ACAP2: variants seen among roughly 807,000 people sequenced by gnomAD.
ACAP2 encodes arf-GAP with coiled-coil, ANK repeat and PH domain-containing protein 2.
In ACAP2, 39 loss-of-function variants were observed where a neutral mutation model predicts 115.8. That is an observed-to-expected ratio of 0.34 (90% confidence interval 0.26 to 0.44). The LOEUF is 0.44. Ranked by LOEUF, ACAP2 falls within the 20% of genes least tolerant of loss-of-function variation. The pLI, the probability that ACAP2 is intolerant of heterozygous loss-of-function variation, is 1.00. For synonymous variants in ACAP2, 289 were observed against 315.8 expected (o/e 0.92, Z 0.90); for missense variants, 662 against 927.6 (o/e 0.71, Z 3.72).
intron 6 of ACAP2, among the ~76,000 whole-genome samples, chr3:195,342,176 A>G (rs1327221145): frequency 6.6e-6 from 1 of 152,222 alleles, no homozygotes; most frequent in Non-Finnish European, 1.5e-5. Flanking sequence ...AGATAGTTAA[A>G]TTGACATAAC....
chr3:195,353,392 T>C lies in ACAP2; in HGVS notation c.286-8075A>G, dbSNP rs535255419. On this transcript the variant is annotated intron_variant, in intron 4 of 22. Coordinates refer to ENST00000326793, the MANE Select transcript of ACAP2 (RefSeq NM_012287.6). ...GCTAATATAACCATCCACAGGTAGA[T>C]GGATTTTAAAACTTGTGATAAATCC... Among the ~76,000 whole-genome samples, 60 of 152,348 alleles carry C rather than the reference T, an allele frequency of 3.9e-4. No homozygotes were observed. The Middle Eastern group carries it at 0.017, about 43-fold the overall frequency.
Position 195,401,660 on chromosome 3 carries a change from T to C in ACAP2, c.54-9513A>G, listed in dbSNP as rs112145223. On this transcript the variant is annotated intron_variant, in intron 1 of 22. Transcript: ENST00000326793. ...CCAGCTTGGGAGACAGTGAACTCTG[T>C]ATCCAAAACAAAGAGAGAAGACTAC... Among the ~76,000 whole-genome samples, 33 of 152,188 alleles carry C rather than the reference T, an allele frequency of 2.2e-4. 1 individual carries two copies. The highest frequency in any genetic ancestry group is 7.9e-4 in the African/African-American group (33 of 41,532).
chr3:195,379,241 T>C (rs1733786862), intron 4 of ACAP2, among the ~76,000 whole-genome samples: 1 of 152,090 alleles, frequency 6.6e-6, no homozygotes, highest in African/African-American at 2.4e-5. Flanking sequence ...AACCTTGAAT[T>C]TGGCAATGGA....
chr3:195,318,907 A>T (rs2109023096), intron 10 of ACAP2, among the ~76,000 whole-genome samples: 1 of 152,336 alleles, frequency 6.6e-6, no homozygotes, highest in Admixed American at 6.5e-5. Flanking sequence ...GGCATGTAAG[A>T]AATCTTTGAG....
chr3:195,410,162 G>A (rs994117216), intron 1 of ACAP2, among the ~76,000 whole-genome samples: 1 of 152,078 alleles, frequency 6.6e-6, no homozygotes, highest in Admixed American at 6.6e-5. Context: ...TCACTACAAT[G>A]CAATGGGGAA....
intron 10 of ACAP2, among the ~76,000 whole-genome samples, chr3:195,320,355 T>C (rs1729369422): frequency 6.6e-6 from 1 of 152,226 alleles, no homozygotes; most frequent in African/African-American, 2.4e-5. Flanking sequence ...TCATAATTTG[T>C]ACTCAAATCT....
At chr3:195,390,088 T>C (rs1734563574) in intron 2 of ACAP2, among the ~76,000 whole-genome samples, 1 of 152,136 alleles carries the variant, frequency 6.6e-6, no homozygotes, top group African/African-American at 2.4e-5. Context: ...CCCAGCTACT[T>C]AGGAGGCTGA....
intron 21 of ACAP2, among the ~76,000 whole-genome samples, chr3:195,286,870 C>A (rs1261576326): frequency 6.6e-6 from 1 of 152,234 alleles, no homozygotes; most frequent in Non-Finnish European, 1.5e-5. Flanking sequence ...AAGCTGCCTG[C>A]AGAGCTTGTC....
At chr3:195,366,398 G>T (rs1732725445) in intron 4 of ACAP2, among the ~76,000 whole-genome samples, 2 of 152,140 alleles carry the variant, frequency 1.3e-5, no homozygotes, top group African/African-American at 4.8e-5. Context: ...AATAACTTGG[G>T]CAACTTTTAA....
At position 195,276,415 on chromosome 3, in the gene ACAP2, T is replaced by C. The variant is rs928501887; in HGVS notation, c.*2913A>G. The stretch of plus-strand genomic sequence containing the variant: ...AGAAATCTTAAGCACATAAATGTTA[T>C]AATGAAGCATTTGCAAATGACTGCT... On this transcript the variant is annotated 3_prime_UTR_variant, in exon 23 of 23. Coordinates refer to ENST00000326793, the MANE Select transcript of ACAP2 (RefSeq NM_012287.6). 3.9e-5 allele frequency: 6 copies of C among 152,240 alleles called. No individual in the cohort carries two copies. Among genetic ancestry groups the C allele is most frequent in the African/African-American group, 1.4e-4 (6 of 41,478 alleles). 9.4% of individuals were successfully genotyped at this position (152,240 alleles called of 1,614,324 possible).
intron 1 of ACAP2, among the ~76,000 whole-genome samples, chr3:195,409,902 A>C (rs932441729): frequency 3.3e-5 from 5 of 150,938 alleles, no homozygotes; most frequent in Non-Finnish European, 5.9e-5. Flanking sequence ...AAAAAAAAAA[A>C]AAAACAGAAA....
At position 195,320,756 on chromosome 3, in the gene ACAP2, C is replaced by T. The variant is rs777687187; in HGVS notation, c.802G>A (p.Val268Ile). Residue 268 changes from valine to isoleucine, a missense_variant, in exon 10 of 23, where the codon GTT becomes ATT. This residue lies in a region of ACAP2 where 401 missense variants were observed against 604.4 expected (regional missense o/e 0.66). Coordinates refer to ENST00000326793, the MANE Select transcript of ACAP2 (RefSeq NM_012287.6). ...CGTTTGAACAGATATCCTTCCATAA[C>T]TATGCCATTTGCAGCATCTACGTTA... is the stretch of plus-strand genomic sequence containing the variant. Reference protein sequence around the residue: ...EYNVDAANGIVMEGYLFKRAS... With the variant: ...EYNVDAANGIIMEGYLFKRAS... 2.5e-6 allele frequency: 4 copies of T among 1,613,668 alleles called. No individual in the cohort carries two copies. The highest frequency in any genetic ancestry group is 1.1e-5 in the South Asian group (1 of 91,066).
In ACAP2 at chr3:195,359,570, C is replaced by T. The variant is rs540026130; in HGVS notation, c.286-14253G>A. ...GCAAGCTCTGCCTCCGGGGTTCACG[C>T]CATTCTCCTGCCTCAGCCTCCCAAG... On this transcript the variant is annotated intron_variant, in intron 4 of 22. Transcript: ENST00000326793. Among the ~76,000 whole-genome samples the T allele has an allele frequency of 2.6e-4, 39 of 152,292 alleles. No homozygotes were observed. In the South Asian group the frequency reaches 6.2e-3, roughly 24 times the overall value.
intron 2 of ACAP2, among the ~76,000 whole-genome samples, chr3:195,383,714 T>A (rs997059528): frequency 6.6e-6 from 1 of 151,370 alleles, no homozygotes; most frequent in Admixed American, 6.6e-5. Context: ...AGAAACAACA[T>A]AGGAAAACAA....
intron 2 of ACAP2, among the ~76,000 whole-genome samples, chr3:195,390,726 AG>A (rs1219927468): frequency 6.6e-6 from 1 of 152,236 alleles, no homozygotes. Context: ...AGCAAAGTTA[AG>A]GTCTCAGGAG....
chr3:195,329,248 C>A (rs1577309674), intron 8 of ACAP2, among the ~76,000 whole-genome samples: 1 of 152,114 alleles, frequency 6.6e-6, no homozygotes, highest in Non-Finnish European at 1.5e-5. Context: ...TGAAGACTGG[C>A]AGAGTCTTAT....
intron 13 of ACAP2, 38 bp from the exon 14 acceptor site, chr3:195,302,212 A>G: frequency 6.4e-7 from 1 of 1,565,712 alleles, no homozygotes; most frequent in East Asian, 2.2e-5. Context: ...TAAAAAAAAA[A>G]AAGATTGAAA....
intron 4 of ACAP2, among the ~76,000 whole-genome samples, chr3:195,366,538 A>G (rs968229336): frequency 6.6e-6 from 1 of 152,048 alleles, no homozygotes; most frequent in African/African-American, 2.4e-5. Context: ...CGCTAGAACC[A>G]CCCCAGTCTT....
At chr3:195,392,952 G>A (rs1007563070) in intron 1 of ACAP2, among the ~76,000 whole-genome samples, 4 of 152,144 alleles carry the variant, frequency 2.6e-5, no homozygotes, top group Non-Finnish European at 5.9e-5. Flanking sequence ...TTCTCAAGTA[G>A]GTATTTTAAG....
Sources: allele counts gnomAD v4.1 joint callset (sites outside exome capture counted in the v4.1 genomes callset), GRCh38; gene constraint gnomAD v4.1.1; regional missense constraint gnomAD v4.1.1; transcripts MANE v1.5; gene names NCBI Gene and HGNC (gene_info 2026-07-23, HGNC 2026-07-21).